The following SAMD14 variants were observed in gnomAD, a reference collection of about 807,000 sequenced individuals.
The protein encoded by SAMD14 is sterile alpha motif domain containing 14, also known as sterile alpha motif domain-containing protein 14.
SAMD14 carries 27 observed loss-of-function variants against 46.2 expected under a neutral mutation model. That is an observed-to-expected ratio of 0.58 (90% CI 0.43 to 0.81). SAMD14 has a LOEUF of 0.81. Ranked by LOEUF, SAMD14 falls within the 30% of genes least tolerant of loss-of-function variation. The pLI is 0.00. For synonymous variants in SAMD14, 241 were observed against 254.3 expected (o/e 0.95, Z 0.50); for missense variants, 559 against 582.2 (o/e 0.96, Z 0.41).
Position 50,118,160 on chromosome 17 carries a change from C to A in SAMD14, c.210+1G>T. On this transcript the variant is annotated splice_donor_variant, in intron 3 of 9. Transcript: ENST00000330175. LOFTEE classifies it high-confidence loss of function. ...TATGTGTTTTCCTAACTTGCCCCAACCTTGCCTCCGGGCCCATCCGAGCCT... is the reference window on the plus strand; with the variant it reads ...TATGTGTTTTCCTAACTTGCCCCAAACTTGCCTCCGGGCCCATCCGAGCCT... 1 of 1,586,970 alleles carries A rather than the reference C, an allele frequency of 6.3e-7. No homozygotes were observed. The highest frequency in any genetic ancestry group is 8.6e-7 in the Non-Finnish European group (1 of 1,163,700).
chr17:50,128,735 A>G (rs1911896517), intron 1 of SAMD14, among the ~76,000 whole-genome samples: 1 of 152,088 alleles, frequency 6.6e-6, no homozygotes, highest in African/African-American at 2.4e-5. Flanking sequence ...CGGGAGCGGA[A>G]GGAAGTGAGG....
Position 50,113,047 on chromosome 17 carries a change from C to G in SAMD14, c.1100G>C (p.Ser367Thr). ...LLQLDGSKLK[S>T]LGLSNSHDRA... Reference sequence around the variant, plus strand: ...GTCATGAGAGTTGCTGAGCCCCAGGCTCTGGGGAGGAGTCCGGGGTGAGGG... The same window carrying G: ...GTCATGAGAGTTGCTGAGCCCCAGGGTCTGGGGAGGAGTCCGGGGTGAGGG... The change falls in exon 10 of 10, where the codon AGC (serine) becomes ACC (threonine). Residue 367 changes from serine (S) to threonine (T), a missense_variant and splice_region_variant. Ser to Thr is a moderately conservative substitution (Grantham distance 58, BLOSUM62 1). Transcript: ENST00000330175. The G allele has an allele frequency of 6.2e-7, 1 of 1,611,738 alleles. No homozygotes were observed. Among genetic ancestry groups the G allele is most frequent in the Non-Finnish European group, 8.5e-7 (1 of 1,179,938 alleles).
chr17:50,114,794 G>A (rs1399172503), intron 7 of SAMD14: 17 of 186,434 alleles, frequency 9.1e-5, no homozygotes, highest in African/African-American at 2.3e-5. Flanking sequence ...GAGGAAAGAA[G>A]GAAGTTCCAG....
At chr17:50,118,363 A>T (rs911471098) in intron 2 of SAMD14, 36 bp from the exon 3 acceptor site, 1 of 1,603,416 alleles carries the variant, frequency 6.2e-7, no homozygotes, top group African/African-American at 1.3e-5. Flanking sequence ...GACCAGACAC[A>T]TGAGAGGTGA....
At chr17:50,123,352 CAGG>C (rs1414724788) in intron 2 of SAMD14, among the ~76,000 whole-genome samples, 6 of 152,182 alleles carry the variant, frequency 3.9e-5, no homozygotes. Flanking sequence ...TCAAGGAGGA[CAGG>C]AGGACACCTT....
intron 1 of SAMD14, among the ~76,000 whole-genome samples, chr17:50,126,964 G>T (rs1472849289): frequency 3.3e-5 from 5 of 151,824 alleles, no homozygotes; most frequent in Non-Finnish European, 7.4e-5. Context: ...GTTGGGTGTG[G>T]TGGTGCACAC....
Position 50,124,771 on chromosome 17 carries a change from GCACACACA to G in SAMD14, c.43+138_43+145del, listed in dbSNP as rs10522793. On this transcript the variant is annotated intron_variant, in intron 2 of 9. Coordinates refer to ENST00000330175, the MANE Select transcript of SAMD14 (RefSeq NM_001257359.2). ...TACCTGCACGCGTGCACGCGCGCGC[GCACACACA>G]CACACACACACACACACACACACAC... 2.7e-3 allele frequency: 1,565 copies of G among 569,624 alleles called. 13 individuals carry two copies. Among genetic ancestry groups the G allele is most frequent in the African/African-American group, 0.013 (647 of 50,184 alleles). The allele number at this position is 569,624 out of a possible 1,614,324, so 35.3% of individuals were successfully genotyped here.
In SAMD14 at chr17:50,129,841, T is replaced by TGA. The variant is rs1248998178; in HGVS notation, c.-339_-338dup. On this transcript the variant is annotated 5_prime_UTR_variant, in exon 1 of 10. Transcript: ENST00000330175. This position sits in a 1 kb window ranked among gnomAD's most constrained non-coding sequence, Gnocchi z 5.6. ...GTGTGCGTGTGCGTGTGTGTGTGTGTGACAGAGAGAGAGAGAGAGAGAAGA... is the reference window on the plus strand; with the variant it reads ...GTGTGCGTGTGCGTGTGTGTGTGTGTGAGACAGAGAGAGAGAGAGAGAGAAGA... 7.1e-6 allele frequency: 1 copy of TGA among 141,144 alleles called. No homozygotes were observed. Among genetic ancestry groups the TGA allele is most frequent in the Non-Finnish European group, 1.5e-5 (1 of 65,060 alleles). 8.7% of individuals were successfully genotyped at this position (141,144 alleles called of 1,614,324 possible).
rs781556679 is a variant in SAMD14, at chr17:50,110,102, C to T, written c.*2791G>A. 3.8e-6 allele frequency: 6 copies of T among 1,594,792 alleles called. No individual in the cohort carries two copies. Among genetic ancestry groups the T allele is most frequent in the East Asian group, 2.3e-5 (1 of 44,262 alleles). On this transcript the variant is annotated 3_prime_UTR_variant, in exon 10 of 10. Coordinates refer to ENST00000330175, the MANE Select transcript of SAMD14 (RefSeq NM_001257359.2). ...TCCACGTACCGCGTCAGCTAAGGGC[C>T]GCCGTGCATCTGCACCTGAGAGGAC...
intron 1 of SAMD14, among the ~76,000 whole-genome samples, chr17:50,128,325 T>A (rs1036587496): frequency 6.6e-6 from 1 of 152,044 alleles, no homozygotes; most frequent in Non-Finnish European, 1.5e-5. Flanking sequence ...CTTCAACAAC[T>A]AACTTTCTGG....
rs369202967 is a variant in SAMD14 at position 50,121,570 on chromosome 17, G to C, written c.44-3243C>G. Among the ~76,000 whole-genome samples, 85 of 152,280 alleles carry C rather than the reference G, an allele frequency of 5.6e-4. No homozygotes were observed. In the East Asian group the frequency reaches 7.3e-3, roughly 13 times the overall value. On this transcript the variant is annotated intron_variant, in intron 2 of 9. Coordinates refer to ENST00000330175, the MANE Select transcript of SAMD14 (RefSeq NM_001257359.2). ...TGGCCTCAAGTGATCTGCCCGCCTT[G>C]GCCTCCCAGAGTGCTGGGATTACTG...
intron 1 of SAMD14, among the ~76,000 whole-genome samples, chr17:50,125,745 A>G (rs1911736200): frequency 6.6e-6 from 1 of 152,182 alleles, no homozygotes; most frequent in Non-Finnish European, 1.5e-5. Context: ...GCTGTTCAGG[A>G]AGCTGGCACC....
Position 50,110,055 on chromosome 17 carries a change from C to G in SAMD14, c.*2838G>C, listed in dbSNP as rs187772762. ...AGGAGGCCGGCGACTGGTGTGTGCC[C>G]AGCACGGAGCCCAAGAACACGTCCA... On this transcript the variant is annotated 3_prime_UTR_variant, in exon 10 of 10. Transcript: ENST00000330175. The G allele has an allele frequency of 6.2e-7, 1 of 1,611,106 alleles. No homozygotes were observed. The highest frequency in any genetic ancestry group is 1.1e-5 in the South Asian group (1 of 90,416).
intron 2 of SAMD14, among the ~76,000 whole-genome samples, chr17:50,123,846 A>G (rs1203565270): frequency 6.6e-6 from 1 of 152,106 alleles, no homozygotes; most frequent in Non-Finnish European, 1.5e-5. Context: ...GTAGGGGCAG[A>G]AAAGCCCAGG....
In SAMD14 at chr17:50,112,714, C is replaced by T; in HGVS notation, c.*179G>A. On this transcript the variant is annotated 3_prime_UTR_variant, in exon 10 of 10. Transcript: ENST00000330175. Reference sequence around the variant, plus strand: ...TTACTAGGCCCTCTCCCTGGGGTCTCCCTTTCTGGGGTCTCTGGGTCTAGA... The same window carrying T: ...TTACTAGGCCCTCTCCCTGGGGTCTTCCTTTCTGGGGTCTCTGGGTCTAGA... 1.5e-6 allele frequency: 1 copy of T among 665,970 alleles called. No individual in the cohort carries two copies. Among genetic ancestry groups the T allele is most frequent in the Non-Finnish European group, 2.4e-6 (1 of 409,620 alleles). 41.3% of individuals were successfully genotyped at this position (665,970 alleles called of 1,614,324 possible).
intron 1 of SAMD14, among the ~76,000 whole-genome samples, chr17:50,128,310 C>A (rs944574946): frequency 6.6e-6 from 1 of 152,138 alleles, no homozygotes; most frequent in Non-Finnish European, 1.5e-5. Flanking sequence ...GCTCTCTTTT[C>A]TTCCCTTCAA....
intron 2 of SAMD14, chr17:50,124,052 T>C (rs1410958594): frequency 1.3e-5 from 6 of 455,860 alleles, no homozygotes; most frequent in Non-Finnish European, 1.8e-5. Flanking sequence ...CCCTCTGGCA[T>C]AGGAGCCCCT....
At position 50,115,561 on chromosome 17, in the gene SAMD14, T is replaced by C. The variant is rs769523895; in HGVS notation, c.822+3A>G. ...TTTGGGGACAAGAAAGGCATGGACTTACCTGGGAAGCTGACTTCTTAGGGC... is the reference window on the plus strand; with the variant it reads ...TTTGGGGACAAGAAAGGCATGGACTCACCTGGGAAGCTGACTTCTTAGGGC... On this transcript the variant is annotated splice_donor_region_variant and intron_variant, in intron 7 of 9. Transcript: ENST00000330175. The surrounding 1 kb of genome is among the most constrained non-coding windows in gnomAD (Gnocchi z 5.3). 6.5e-7 allele frequency: 1 copy of C among 1,532,934 alleles called. No individual in the cohort carries two copies. Among genetic ancestry groups the C allele is most frequent in the Admixed American group, 2.0e-5 (1 of 49,176 alleles). The allele number at this position is 1,532,934 out of a possible 1,614,324, so 95.0% of individuals were successfully genotyped here. A position where few individuals can be genotyped will look rare whatever the true frequency, so the allele number is the denominator to read the frequency against.
At chr17:50,116,336 C>G in intron 4 of SAMD14, 1 of 460,612 alleles carries the variant, frequency 2.2e-6, no homozygotes, top group Non-Finnish European at 3.8e-6. Flanking sequence ...CAGCCTTTTA[C>G]AAACTATAAA....
Sources: allele counts gnomAD v4.1 joint callset (sites outside exome capture counted in the v4.1 genomes callset), GRCh38; gene constraint gnomAD v4.1.1; non-coding constraint Gnocchi (gnomAD v3.1); transcripts MANE v1.5; gene names NCBI Gene and HGNC (gene_info 2026-07-23, HGNC 2026-07-21).